The following SLC44A5 variants were observed in gnomAD, a reference collection of about 807,000 sequenced individuals.
SLC44A5 encodes the protein choline transporter-like protein 5.
SLC44A5 carries 57 observed loss-of-function variants against 101.8 expected under a neutral mutation model. That is an observed-to-expected ratio of 0.56 (90% CI 0.45 to 0.70). The LOEUF (loss-of-function observed/expected upper bound fraction) is 0.70, where lower values mean the gene tolerates loss of function less well. Among genes scored for constraint, SLC44A5 ranks in the 30% least tolerant of loss-of-function variants. SLC44A5 has a pLI of 0.00. For synonymous variants in SLC44A5, 281 were observed against 290.9 expected, an observed-to-expected ratio of 0.97 and a Z score of 0.35; for missense variants, 737 against 853.1, an observed-to-expected ratio of 0.86 and a Z score of 1.70.
At chr1:75,393,624 GA>G (rs1425932655) in intron 3 of SLC44A5, among the ~76,000 whole-genome samples, 1 of 152,088 alleles carries the variant, frequency 6.6e-6, no homozygotes, top group African/African-American at 2.4e-5. Flanking sequence ...TGTGATAAAT[GA>G]AAAAAGTAAT....
intron 6 of SLC44A5, among the ~76,000 whole-genome samples, chr1:75,268,394 GT>G (rs1305791984): frequency 1.3e-5 from 2 of 151,812 alleles, no homozygotes; most frequent in African/African-American, 4.8e-5. Flanking sequence ...CATCTGCTTT[GT>G]TTTTTTTCTT....
chr1:75,375,160 C>T (rs1660495308), intron 3 of SLC44A5, among the ~76,000 whole-genome samples: 1 of 152,144 alleles, frequency 6.6e-6, no homozygotes, highest in Non-Finnish European at 1.5e-5. Context: ...TAAGTAAGAA[C>T]CAAACTCAAC....
chr1:75,678,981 C>A, the SLC44A5 span, among the ~76,000 whole-genome samples: 1 of 151,950 alleles, frequency 6.6e-6, no homozygotes, highest in Non-Finnish European at 1.5e-5. Flanking sequence ...GCCTCAGGAG[C>A]CGATGCTATC....
At chr1:75,338,879 T>G (rs1487464308) in intron 4 of SLC44A5, among the ~76,000 whole-genome samples, 1 of 152,118 alleles carries the variant, frequency 6.6e-6, no homozygotes, top group Non-Finnish European at 1.5e-5. Context: ...GAAATCAAAG[T>G]TAAGCAAAAA....
the SLC44A5 span, chr1:75,641,766 C>T: frequency 6.3e-7 from 1 of 1,576,236 alleles, no homozygotes; most frequent in East Asian, 2.2e-5. Context: ...ACCACTTTGT[C>T]CAGTGGAAAT....
At chr1:75,549,193 G>A (rs1671806765) in intron 1 of SLC44A5, among the ~76,000 whole-genome samples, 1 of 152,054 alleles carries the variant, frequency 6.6e-6, no homozygotes, top group Non-Finnish European at 1.5e-5. Flanking sequence ...TACAGTTTGG[G>A]TAACTAGACA....
At chr1:75,706,490 T>C in the SLC44A5 span, among the ~76,000 whole-genome samples, 1 of 152,188 alleles carries the variant, frequency 6.6e-6, no homozygotes, top group Non-Finnish European at 1.5e-5. Flanking sequence ...ATTAATGTTT[T>C]CTTACTGAGG....
the SLC44A5 span, among the ~76,000 whole-genome samples, chr1:75,633,954 C>T: frequency 0.22 from 33,473 of 151,582 alleles, 5,080 homozygotes; most frequent in East Asian, 0.68. Context: ...TTGTCAAAGG[C>T]CTTTTCTGCA....
chr1:75,629,819 T>TA, the SLC44A5 span, among the ~76,000 whole-genome samples: 1 of 152,038 alleles, frequency 6.6e-6, no homozygotes, highest in African/African-American at 2.4e-5. Flanking sequence ...AATGAGAACA[T>TA]AAAATCAATT....
At chr1:75,527,820 G>A (rs1431897394) in intron 2 of SLC44A5, among the ~76,000 whole-genome samples, 2 of 152,082 alleles carry the variant, frequency 1.3e-5, no homozygotes, top group African/African-American at 4.8e-5. Context: ...TTTCTAGGCT[G>A]TTCACTGACC....
At chr1:75,495,891 T>A (rs978759560) in intron 2 of SLC44A5, among the ~76,000 whole-genome samples, 1 of 152,174 alleles carries the variant, frequency 6.6e-6, no homozygotes, top group African/African-American at 2.4e-5. Flanking sequence ...TATGAAATAA[T>A]CACATCATGG....
At chr1:75,272,460 T>C (rs1651565269) in intron 6 of SLC44A5, among the ~76,000 whole-genome samples, 1 of 152,062 alleles carries the variant, frequency 6.6e-6, no homozygotes, top group African/African-American at 2.4e-5. Flanking sequence ...CATGAATTCT[T>C]TGCCTAAATC....
intron 2 of SLC44A5, among the ~76,000 whole-genome samples, chr1:75,474,766 A>T (rs1419216555): frequency 1.3e-5 from 2 of 152,222 alleles, no homozygotes; most frequent in African/African-American, 2.4e-5. Context: ...TTTAATTATG[A>T]TGTGAGTGGG....
At chr1:75,677,618 A>G in the SLC44A5 span, 1 of 342,740 alleles carries the variant, frequency 2.9e-6, no homozygotes, top group South Asian at 2.2e-5. Flanking sequence ...AAATGGTAGG[A>G]GTAAGTCCTT....
At chr1:75,435,682 TTTA>T (rs1306011520) in intron 2 of SLC44A5, among the ~76,000 whole-genome samples, 1 of 152,144 alleles carries the variant, frequency 6.6e-6, no homozygotes, top group East Asian at 1.9e-4. Context: ...ATGATGTCCT[TTTA>T]TTGGTTTATG....
At chr1:75,615,940 G>A (rs906592625), upstream of SLC44A5, 21 of 950,676 alleles carry the variant, frequency 2.2e-5, no homozygotes, top group Non-Finnish European at 2.6e-5. Context: ...CGGCTGCCGC[G>A]CAGCTCCCAG....
intron 13 of SLC44A5, among the ~76,000 whole-genome samples, chr1:75,225,597 GA>G (rs1249521125): frequency 6.6e-6 from 1 of 152,086 alleles, no homozygotes; most frequent in Non-Finnish European, 1.5e-5. Context: ...AACCATCTCC[GA>G]ACACAAAATA....
At chr1:75,501,809 T>C (rs974728105) in intron 2 of SLC44A5, among the ~76,000 whole-genome samples, 1 of 152,186 alleles carries the variant, frequency 6.6e-6, no homozygotes, top group Non-Finnish European at 1.5e-5. Flanking sequence ...GCTTCAGGCA[T>C]AGAGAAATGA....
At chr1:75,424,747 G>GT (rs986499066) in intron 2 of SLC44A5, among the ~76,000 whole-genome samples, 13 of 151,320 alleles carry the variant, frequency 8.6e-5, no homozygotes, top group East Asian at 7.8e-4. Flanking sequence ...AATGTCAAGA[G>GT]TTTTTTTTTC....
Sources: gnomAD v4.1 joint callset for allele counts (sites outside exome capture counted in the v4.1 genomes callset) on GRCh38, gnomAD v4.1.1 for gene constraint, MANE v1.5 for transcripts, NCBI Gene and HGNC (gene_info 2026-07-23, HGNC 2026-07-21) for gene names.